ITGA9: variants seen among roughly 807,000 people sequenced by gnomAD.
ITGA9 encodes integrin alpha-9.
ITGA9 carries 56 observed loss-of-function variants against 127.8 expected under a neutral mutation model. That is an observed-to-expected ratio of 0.44 (90% confidence interval 0.35 to 0.55). The LOEUF (loss-of-function observed/expected upper bound fraction) is 0.55, where lower values mean the gene tolerates loss of function less well. ITGA9 is among the 20% of genes least tolerant of loss of function. ITGA9 has a pLI of 0.00. For synonymous variants in ITGA9, 508 were observed against 514.5 expected (o/e 0.99, Z 0.17); for missense variants, 1,196 against 1,347.1 (o/e 0.89, Z 1.76).
chr3:37,793,401 C>T (rs398051443), intron 26 of ITGA9, among the ~76,000 whole-genome samples: 4,968 of 135,998 alleles, frequency 0.037, 179 homozygotes, highest in African/African-American at 0.087. Flanking sequence ...CACACACACA[C>T]ACACACACAC....
intron 18 of ITGA9, among the ~76,000 whole-genome samples, chr3:37,714,186 C>G (rs141571756): frequency 0.013 from 2,022 of 152,306 alleles, 20 homozygotes; most frequent in Non-Finnish European, 0.017. Flanking sequence ...GCTTGATATC[C>G]TCATCTGTAA....
chr3:37,561,180 G>A (rs1403229734), intron 15 of ITGA9, among the ~76,000 whole-genome samples: 3 of 152,184 alleles, frequency 2.0e-5, no homozygotes, highest in African/African-American at 7.2e-5. Flanking sequence ...GCATAAAAAT[G>A]TATATTATTT....
At chr3:37,717,376 C>T (rs1385409812) in intron 18 of ITGA9, among the ~76,000 whole-genome samples, 2 of 152,180 alleles carry the variant, frequency 1.3e-5, no homozygotes, top group African/African-American at 4.8e-5. Flanking sequence ...TTTGTAATAG[C>T]TTTTGACCTA....
intron 15 of ITGA9, among the ~76,000 whole-genome samples, chr3:37,548,204 A>T (rs547097225): frequency 6.6e-6 from 1 of 152,334 alleles, no homozygotes; most frequent in East Asian, 1.9e-4. Flanking sequence ...CCAGACACAA[A>T]AGGCTACCTA....
intron 12 of ITGA9, among the ~76,000 whole-genome samples, chr3:37,524,729 C>T (rs1699076277): frequency 6.6e-6 from 1 of 152,170 alleles, no homozygotes; most frequent in South Asian, 2.1e-4. Flanking sequence ...GATGCTGAGA[C>T]TCATTGTGAG....
At chr3:37,588,358 A>G (rs1475226037) in intron 15 of ITGA9, among the ~76,000 whole-genome samples, 2 of 111,732 alleles carry the variant, frequency 1.8e-5, no homozygotes, top group Non-Finnish European at 3.5e-5. Context: ...TCCATCCCGC[A>G]TGGCAATGGG....
chr3:37,729,963 GAGTGCTGGGATTAC>G (rs1387191682), intron 18 of ITGA9, among the ~76,000 whole-genome samples: 1 of 152,088 alleles, frequency 6.6e-6, no homozygotes, highest in African/African-American at 2.4e-5. Flanking sequence ...CGGCCTCCCA[GAGTGCTGGGATTAC>G]AGGCATGAGC....
At chr3:37,461,932 A>G (rs1698319928) in intron 1 of ITGA9, among the ~76,000 whole-genome samples, 1 of 152,222 alleles carries the variant, frequency 6.6e-6, no homozygotes, top group African/African-American at 2.4e-5. Flanking sequence ...TGGGAGGTAG[A>G]TCTACAGTTC....
chr3:37,518,050 G>A (rs1361672124), intron 10 of ITGA9, among the ~76,000 whole-genome samples: 1 of 150,568 alleles, frequency 6.6e-6, no homozygotes, highest in African/African-American at 2.4e-5. Context: ...GACATCTTCT[G>A]CCTGATTATA....
At chr3:37,774,031 T>G (rs1696874965) in intron 23 of ITGA9, among the ~76,000 whole-genome samples, 1 of 152,216 alleles carries the variant, frequency 6.6e-6, no homozygotes, top group African/African-American at 2.4e-5. Flanking sequence ...CCAGAATATA[T>G]CATCTACAAT....
At chr3:37,472,714 T>A (rs1286995423) in intron 2 of ITGA9, among the ~76,000 whole-genome samples, 2 of 152,170 alleles carry the variant, frequency 1.3e-5, no homozygotes, top group African/African-American at 4.8e-5. Flanking sequence ...CTAATTATTT[T>A]TTAAATAAAG....
At chr3:37,616,607 T>C (rs1700077254) in intron 15 of ITGA9, among the ~76,000 whole-genome samples, 1 of 152,192 alleles carries the variant, frequency 6.6e-6, no homozygotes, top group South Asian at 2.1e-4. Flanking sequence ...CTGAGTCTCT[T>C]TGTAGGTCAC....
chr3:37,616,694 A>C (rs1278324608), intron 15 of ITGA9, among the ~76,000 whole-genome samples: 1 of 152,264 alleles, frequency 6.6e-6, no homozygotes, highest in East Asian at 1.9e-4. Context: ...CTTCTTGTTG[A>C]ATTGATCCCT....
intron 15 of ITGA9, among the ~76,000 whole-genome samples, chr3:37,566,609 T>C (rs1271092041): frequency 6.6e-6 from 1 of 152,244 alleles, no homozygotes; most frequent in Non-Finnish European, 1.5e-5. Context: ...GTGGGATAAG[T>C]GCTGGGGCTC....
intron 17 of ITGA9, among the ~76,000 whole-genome samples, chr3:37,657,624 C>CAAAAAA (rs139406617): frequency 2.1e-5 from 3 of 141,252 alleles, no homozygotes; most frequent in Non-Finnish European, 3.1e-5. Context: ...TTGATCTTTT[C>CAAAAAA]AAAAAAAAAA....
chr3:37,607,735 G>A (rs747372035), intron 15 of ITGA9, among the ~76,000 whole-genome samples: 1 of 152,166 alleles, frequency 6.6e-6, no homozygotes, highest in Non-Finnish European at 1.5e-5. Context: ...AAAATGTCTG[G>A]TGCCATCTGT....
At chr3:37,610,654 C>A (rs1254286405) in intron 15 of ITGA9, among the ~76,000 whole-genome samples, 1 of 152,218 alleles carries the variant, frequency 6.6e-6, no homozygotes, top group Non-Finnish European at 1.5e-5. Context: ...GTAGCCCAGT[C>A]ATGCACATTG....
At chr3:37,497,237 T>G (rs1031875187) in intron 5 of ITGA9, among the ~76,000 whole-genome samples, 4 of 152,176 alleles carry the variant, frequency 2.6e-5, no homozygotes, top group Non-Finnish European at 5.9e-5. Context: ...GTTGCAAATT[T>G]TTTCATCAGC....
At chr3:37,461,936 A>G (rs1698319989) in intron 1 of ITGA9, among the ~76,000 whole-genome samples, 1 of 152,206 alleles carries the variant, frequency 6.6e-6, no homozygotes. Flanking sequence ...AGGTAGATCT[A>G]CAGTTCCAGG....
Sources: allele counts gnomAD v4.1 joint callset (sites outside exome capture counted in the v4.1 genomes callset), GRCh38; gene constraint gnomAD v4.1.1; transcripts MANE v1.5; gene names NCBI Gene and HGNC (gene_info 2026-07-23, HGNC 2026-07-21).